FBXL17: variants seen among roughly 807,000 people sequenced by gnomAD.
The protein encoded by FBXL17 is F-box and leucine rich repeat protein 17, also known as F-box/LRR-repeat protein 17.
In FBXL17, 22 loss-of-function variants were observed where a neutral mutation model predicts 66.2. The observed-to-expected ratio is 0.33, with a 90% confidence interval of 0.24 to 0.47. FBXL17 has a LOEUF of 0.47. Among genes scored for constraint, FBXL17 ranks in the 20% least tolerant of loss-of-function variants. The probability of loss-of-function intolerance (pLI) is 1.00; values close to 1 mark genes in which losing one functional copy is unlikely to be tolerated. For missense variants in FBXL17, 878 were observed against 948.2 expected, an observed-to-expected ratio of 0.93 and a Z score of 0.97; for synonymous variants, 474 against 400.5, an observed-to-expected ratio of 1.18 and a Z score of -2.19.
chr5:107,914,425 CT>C (rs1750058044), intron 7 of FBXL17, among the ~76,000 whole-genome samples: 1 of 152,142 alleles, frequency 6.6e-6, no homozygotes, highest in African/African-American at 2.4e-5. Context: ...AGTCTGTATT[CT>C]TTTTTAGATC....
chr5:108,181,888 T>A (rs1336230268), intron 6 of FBXL17, among the ~76,000 whole-genome samples: 1 of 151,866 alleles, frequency 6.6e-6, no homozygotes, highest in Non-Finnish European at 1.5e-5. Flanking sequence ...TTGTTTAGAG[T>A]TTTTACTGCA....
At chr5:108,155,325 A>G (rs1751951855) in intron 6 of FBXL17, among the ~76,000 whole-genome samples, 1 of 152,018 alleles carries the variant, frequency 6.6e-6, no homozygotes, top group East Asian at 1.9e-4. Context: ...GACCAGCCTG[A>G]GCAACATGGT....
chr5:108,107,164 T>C (rs896545313), intron 6 of FBXL17, among the ~76,000 whole-genome samples: 10 of 152,022 alleles, frequency 6.6e-5, no homozygotes, highest in Non-Finnish European at 1.5e-5. Context: ...CTCCAACTCC[T>C]GGGTTCAAGC....
At chr5:107,888,542 A>T (rs371410902) in intron 7 of FBXL17, among the ~76,000 whole-genome samples, 404 of 152,266 alleles carry the variant, frequency 2.7e-3, no homozygotes, top group African/African-American at 7.9e-3. Context: ...CCCAACAAGG[A>T]TAATCATTAT....
chr5:108,224,528 TACACACACAC>T lies in FBXL17; in HGVS notation c.1507-310_1507-301del, dbSNP rs138044828. On this transcript the variant is annotated intron_variant, in intron 4 of 8. Coordinates refer to ENST00000542267, the MANE Select transcript of FBXL17 (RefSeq NM_001163315.3). Reference sequence around the variant, plus strand: ...GTGTGTGTATATATATGTATATGTATACACACACACACACACACACACACACACAAACACA... The same window carrying T: ...GTGTGTGTATATATATGTATATGTATACACACACACACACACACAAACACA... Among the ~76,000 whole-genome samples, 782 of 147,362 alleles carry T rather than the reference TACACACACAC, an allele frequency of 5.3e-3. 7 individuals are homozygous for T. The highest frequency in any genetic ancestry group is 0.014 in the African/African-American group (571 of 40,118).
intron 4 of FBXL17, among the ~76,000 whole-genome samples, chr5:108,275,177 T>C (rs980921905): frequency 1.3e-5 from 2 of 152,214 alleles, no homozygotes; most frequent in Non-Finnish European, 2.9e-5. Context: ...GTGCAACTTA[T>C]AAAGTAGAGG....
intron 7 of FBXL17, among the ~76,000 whole-genome samples, chr5:107,974,652 G>A (rs1048548666): frequency 6.6e-6 from 1 of 152,004 alleles, no homozygotes; most frequent in Non-Finnish European, 1.5e-5. Context: ...CTGCCATATA[G>A]TCTCTTAGTT....
chr5:108,107,722 G>C (rs1159043642), intron 6 of FBXL17, among the ~76,000 whole-genome samples: 7 of 148,616 alleles, frequency 4.7e-5, no homozygotes, highest in Admixed American at 4.1e-4. Flanking sequence ...TGAGGCAGGA[G>C]AATGGCATGA....
At chr5:108,063,809 T>C (rs1294970168) in intron 6 of FBXL17, among the ~76,000 whole-genome samples, 1 of 152,188 alleles carries the variant, frequency 6.6e-6, no homozygotes, top group Non-Finnish European at 1.5e-5. Context: ...AATAGATGTA[T>C]CTTTCTTGTT....
At position 108,172,441 on chromosome 5, in the gene FBXL17, G is replaced by A. The variant is rs115259347; in HGVS notation, c.1745+13676C>T. Among the ~76,000 whole-genome samples, 477 of 152,304 alleles carry A rather than the reference G, an allele frequency of 3.1e-3. 4 individuals carry two copies. The highest frequency in any genetic ancestry group is 0.011 in the African/African-American group (455 of 41,558). ...GCAACGTCATATTGCACAAAAGAGT[G>A]CGTATATAAAAATACAGCCAGAAAT... On this transcript the variant is annotated intron_variant, in intron 6 of 8. Coordinates refer to ENST00000542267, the MANE Select transcript of FBXL17 (RefSeq NM_001163315.3).
rs1747745687 is a variant in FBXL17, at chr5:108,352,979, T to G, written c.1375-4449A>C. ...GAACTATGCCCTAGAATAAGGCCTA[T>G]TCTAGATGATCCAAGTTAGAGGGAT... On this transcript the variant is annotated intron_variant, in intron 3 of 8. Transcript: ENST00000542267. Among the ~76,000 whole-genome samples, 3 of 152,150 alleles carry G rather than the reference T, an allele frequency of 2.0e-5. No individual in the cohort carries two copies. In the South Asian group the frequency reaches 6.2e-4, roughly 31 times the overall value.
Position 108,005,974 on chromosome 5 carries a change from C to A in FBXL17, c.1822+14951G>T, listed in dbSNP as rs192130650. Among the ~76,000 whole-genome samples the A allele has an allele frequency of 7.4e-4, 112 of 152,314 alleles. 1 individual carries two copies. The highest frequency in any genetic ancestry group is 2.5e-3 in the African/African-American group (104 of 41,570). ...GGTGAACCGTGACGTGGGACTACCACAAGGTCTCCTACAGAAGCTGACCGC... is the reference window on the plus strand; with the variant it reads ...GGTGAACCGTGACGTGGGACTACCAAAAGGTCTCCTACAGAAGCTGACCGC... On this transcript the variant is annotated intron_variant, in intron 7 of 8. Transcript: ENST00000542267.
intron 7 of FBXL17, among the ~76,000 whole-genome samples, chr5:107,995,904 C>A (rs1469790029): frequency 6.6e-6 from 1 of 152,016 alleles, no homozygotes; most frequent in Non-Finnish European, 1.5e-5. Context: ...AATGAAGCAG[C>A]CCAAAAAATC....
rs183883955 is a variant in FBXL17 at position 107,870,173 on chromosome 5, C to T, written c.1966-8313G>A. Among the ~76,000 whole-genome samples, 29 of 152,148 alleles carry T rather than the reference C, an allele frequency of 1.9e-4. No homozygotes were observed. The East Asian group carries it at 4.8e-3, about 25-fold the overall frequency. On this transcript the variant is annotated intron_variant, in intron 8 of 8. Transcript: ENST00000542267. ...GTGAGAACTACTGGTTTAAAGCCAC[C>T]GACTGAAAAGCTCCTAGAAGGCACA...
intron 6 of FBXL17, among the ~76,000 whole-genome samples, chr5:108,173,966 C>A (rs983239397): frequency 6.6e-6 from 1 of 152,142 alleles, no homozygotes; most frequent in Non-Finnish European, 1.5e-5. Context: ...TGAATTGTGT[C>A]AAATCTGGTT....
In FBXL17 at chr5:108,120,623, G is replaced by C. The variant is rs998845807; in HGVS notation, c.1745+65494C>G. ...AGGCAGGAGGATCACTTGAGGCCAG[G>C]AGTTTGAGACCAGCCTGGTCAACAC... On this transcript the variant is annotated intron_variant, in intron 6 of 8. Coordinates refer to ENST00000542267, the MANE Select transcript of FBXL17 (RefSeq NM_001163315.3). Among the ~76,000 whole-genome samples the C allele has an allele frequency of 6.6e-5, 10 of 152,162 alleles. No homozygotes were observed. The South Asian group carries it at 1.0e-3, about 16-fold the overall frequency.
chr5:108,199,660 T>G (rs1042435425), intron 5 of FBXL17, among the ~76,000 whole-genome samples: 50 of 152,284 alleles, frequency 3.3e-4, no homozygotes, highest in Non-Finnish European at 5.9e-4. Context: ...TTATATTATG[T>G]TCAATTCTCT....
intron 7 of FBXL17, among the ~76,000 whole-genome samples, chr5:108,006,855 G>A (rs9328028): frequency 2.9e-4 from 44 of 151,972 alleles, no homozygotes; most frequent in African/African-American, 1.0e-3. Flanking sequence ...CTATATGGTG[G>A]TTGAGAAATA....
chr5:108,115,486 A>C (rs780341774), intron 6 of FBXL17, among the ~76,000 whole-genome samples: 5 of 152,052 alleles, frequency 3.3e-5, no homozygotes, highest in African/African-American at 9.7e-5. Flanking sequence ...GGCTCAATTC[A>C]TTACAAAATT....
Sources: gnomAD v4.1 joint callset for allele counts (sites outside exome capture counted in the v4.1 genomes callset) on GRCh38, gnomAD v4.1.1 for gene constraint, MANE v1.5 for transcripts, NCBI Gene and HGNC (gene_info 2026-07-23, HGNC 2026-07-21) for gene names.